Variants in FNDC3A observed in about 807,000 individuals in gnomAD.
The protein encoded by FNDC3A is fibronectin type-III domain-containing protein 3A.
A neutral mutation model predicts 148.9 loss-of-function variants in FNDC3A; 32 were observed. That is an observed-to-expected ratio of 0.21 (90% CI 0.16 to 0.29). The LOEUF is 0.29. FNDC3A is among the 10% of genes least tolerant of loss of function. The pLI is 1.00. For synonymous variants in FNDC3A, 472 were observed against 473.6 expected, an observed-to-expected ratio of 1.00 and a Z score of 0.04; for missense variants, 1,191 against 1,452.8, an observed-to-expected ratio of 0.82 and a Z score of 2.93.
At chr13:49,160,836 T>C (rs1884056959) in intron 8 of FNDC3A, among the ~76,000 whole-genome samples, 1 of 151,850 alleles carries the variant, frequency 6.6e-6, no homozygotes, top group African/African-American at 2.4e-5. Flanking sequence ...TTCTCATTGG[T>C]TTCAAAAAAC....
chr13:49,199,432 A>G (rs981380249), intron 23 of FNDC3A, among the ~76,000 whole-genome samples: 4 of 151,392 alleles, frequency 2.6e-5, no homozygotes, highest in African/African-American at 2.4e-5. Context: ...GGTTCAAACA[A>G]TTCCCCTGCC....
intron 3 of FNDC3A, among the ~76,000 whole-genome samples, chr13:49,095,834 A>G (rs1879491465): frequency 6.6e-6 from 1 of 152,066 alleles, no homozygotes; most frequent in Admixed American, 6.6e-5. Context: ...GAATACTTAT[A>G]TAACGTTATA....
chr13:49,088,604 A>G (rs1306256491), intron 3 of FNDC3A, among the ~76,000 whole-genome samples: 5 of 152,166 alleles, frequency 3.3e-5, no homozygotes, highest in African/African-American at 9.7e-5. Flanking sequence ...TCGACCCAGT[A>G]TATTTAACCC....
chr13:49,152,780 G>C (rs867577353), intron 8 of FNDC3A, among the ~76,000 whole-genome samples: 1 of 149,022 alleles, frequency 6.7e-6, no homozygotes, highest in South Asian at 2.1e-4. Context: ...TTGGTTTTTT[G>C]TTCTTGCGAT....
chr13:49,155,304 G>A (rs1479561748), intron 8 of FNDC3A, among the ~76,000 whole-genome samples: 10 of 151,348 alleles, frequency 6.6e-5, no homozygotes, highest in South Asian at 4.1e-4. Flanking sequence ...GTTTATTTGC[G>A]TAGAGGTGTT....
At chr13:49,116,436 G>T (rs1566260097) in intron 4 of FNDC3A, among the ~76,000 whole-genome samples, 2 of 152,152 alleles carry the variant, frequency 1.3e-5, no homozygotes, top group Non-Finnish European at 2.9e-5. Context: ...ACTGAAAGAG[G>T]CAAAGACTCA....
intron 11 of FNDC3A, 30 bp from the exon 12 acceptor site, chr13:49,174,405 T>G: frequency 6.3e-7 from 1 of 1,577,798 alleles, no homozygotes; most frequent in Non-Finnish European, 8.7e-7. Context: ...GTAATGTACA[T>G]GGTATATAAT....
intron 2 of FNDC3A, among the ~76,000 whole-genome samples, chr13:49,047,947 C>T (rs1278429150): frequency 6.6e-6 from 1 of 152,054 alleles, no homozygotes; most frequent in African/African-American, 2.4e-5. Flanking sequence ...TTTAAGACTT[C>T]GATTTATCTT....
chr13:49,105,577 T>G (rs1292633285), intron 3 of FNDC3A, among the ~76,000 whole-genome samples: 2 of 152,222 alleles, frequency 1.3e-5, no homozygotes, highest in Non-Finnish European at 2.9e-5. Flanking sequence ...TAAAATGAAC[T>G]GCCTGCTAGT....
intron 2 of FNDC3A, among the ~76,000 whole-genome samples, chr13:49,011,527 G>A (rs947768774): frequency 2.8e-4 from 43 of 152,134 alleles, no homozygotes; most frequent in African/African-American, 8.0e-4. Context: ...AGCCACCGGC[G>A]GCTGGCATCT....
intron 2 of FNDC3A, among the ~76,000 whole-genome samples, chr13:49,051,333 G>A (rs941945862): frequency 2.6e-5 from 4 of 152,108 alleles, no homozygotes; most frequent in African/African-American, 9.7e-5. Context: ...AAGATTTAGA[G>A]CTCCTTTTAG....
intron 1 of FNDC3A, among the ~76,000 whole-genome samples, chr13:49,004,121 AAAT>A (rs1227220559): frequency 6.6e-6 from 1 of 152,092 alleles, no homozygotes; most frequent in African/African-American, 2.4e-5. Context: ...TAAAAATTAA[AAAT>A]AAGTGTATAA....
chr13:49,207,308 C>T lies in FNDC3A; in HGVS notation c.3510C>T (p.Asp1170=), dbSNP rs145742724. ...ESTRTRRALS[D]EQCAAVILVL... is the part of the protein sequence containing the mutation. Reference sequence around the variant, plus strand: ...CAAGGACCCGACGGGCACTGAGTGACGAGCAGTGTGCTGCCGTCATCCTTG... The same window carrying T: ...CAAGGACCCGACGGGCACTGAGTGATGAGCAGTGTGCTGCCGTCATCCTTG... The change falls in exon 26 of 26, where the codon GAC becomes GAT. Residue 1170 remains aspartate, a synonymous_variant. Coordinates refer to ENST00000492622, the MANE Select transcript of FNDC3A (RefSeq NM_001079673.2). The T allele has an allele frequency of 6.3e-5, 102 of 1,613,904 alleles. No homozygotes were observed. The highest frequency in any genetic ancestry group is 6.7e-5 in the East Asian group (3 of 44,896).
chr13:49,185,219 T>C (rs1195614154), intron 14 of FNDC3A, among the ~76,000 whole-genome samples: 1 of 152,206 alleles, frequency 6.6e-6, no homozygotes, highest in African/African-American at 2.4e-5. Flanking sequence ...TAGATTGGAA[T>C]TATATTTCTC....
intron 11 of FNDC3A, among the ~76,000 whole-genome samples, chr13:49,173,125 T>C (rs1349605258): frequency 6.6e-6 from 1 of 152,256 alleles, no homozygotes; most frequent in East Asian, 1.9e-4. Flanking sequence ...GGCCGCAGGT[T>C]GGACAAGCTT....
At chr13:49,012,426 T>C (rs1286856878) in intron 2 of FNDC3A, among the ~76,000 whole-genome samples, 2 of 152,318 alleles carry the variant, frequency 1.3e-5, no homozygotes, top group African/African-American at 2.4e-5. Context: ...TTATTATCCC[T>C]GTGCCAAGAA....
chr13:49,202,485 C>G (rs963276725), intron 24 of FNDC3A, among the ~76,000 whole-genome samples: 1 of 152,114 alleles, frequency 6.6e-6, no homozygotes, highest in Non-Finnish European at 1.5e-5. Flanking sequence ...TAAAGTGACT[C>G]TGGCAAGGGC....
chr13:49,182,007 G>T (rs1296008892), intron 14 of FNDC3A, among the ~76,000 whole-genome samples: 2 of 151,764 alleles, frequency 1.3e-5, no homozygotes, highest in Non-Finnish European at 2.9e-5. Flanking sequence ...TTTGAGACAG[G>T]GGCTCACACC....
intron 2 of FNDC3A, among the ~76,000 whole-genome samples, chr13:49,069,075 T>G (rs1877470497): frequency 6.6e-6 from 1 of 152,132 alleles, no homozygotes; most frequent in African/African-American, 2.4e-5. Flanking sequence ...AAAAAAAATG[T>G]ACTGAAAATA....
Sources: allele counts gnomAD v4.1 joint callset (sites outside exome capture counted in the v4.1 genomes callset), GRCh38; gene constraint gnomAD v4.1.1; transcripts MANE v1.5; gene names NCBI Gene and HGNC (gene_info 2026-07-23, HGNC 2026-07-21).